The following MECR variants were observed in gnomAD, a reference collection of about 807,000 sequenced individuals.
The protein encoded by MECR is enoyl-[acyl-carrier-protein] reductase, mitochondrial.
MECR carries 37 observed loss-of-function variants against 49.1 expected under a neutral mutation model. The ratio of observed to expected loss-of-function variants is 0.75; its 90% CI spans 0.58 to 0.99. MECR has a LOEUF of 0.99. Ranked by LOEUF, MECR falls within the 50% of genes least tolerant of loss-of-function variation. The pLI is 0.00. For missense variants in MECR, 470 were observed against 479.6 expected, an observed-to-expected ratio of 0.98 and a Z score of 0.19; for synonymous variants, 198 against 191.1, an observed-to-expected ratio of 1.04 and a Z score of -0.30.
At chr1:29,215,151 C>T (rs537103206) in intron 3 of MECR, among the ~76,000 whole-genome samples, 78 of 152,304 alleles carry the variant, frequency 5.1e-4, no homozygotes, top group African/African-American at 1.8e-3. Context: ...CTTTCTCACT[C>T]GTGCAATCCT....
the MECR span, chr1:29,171,466 T>C: frequency 6.6e-6 from 1 of 150,590 alleles, no homozygotes; most frequent in South Asian, 2.1e-4. Flanking sequence ...ACTCATTTTG[T>C]AACCTTGGGC....
intron 1 of MECR, among the ~76,000 whole-genome samples, chr1:29,229,795 T>TG (rs1682996970): frequency 6.6e-6 from 1 of 152,224 alleles, no homozygotes; most frequent in Non-Finnish European, 1.5e-5. Context: ...CCCAGACCTG[T>TG]GCTTTTGCTT....
At chr1:29,220,286 A>G (rs938228877) in intron 1 of MECR, among the ~76,000 whole-genome samples, 5 of 151,594 alleles carry the variant, frequency 3.3e-5, no homozygotes, top group South Asian at 2.1e-4. Context: ...CTGTAGTTCC[A>G]GCTATCTGGG....
Position 29,201,221 on chromosome 1 carries a change from T to C in MECR, c.757-632A>G, listed in dbSNP as rs780172675. 1.8e-4 allele frequency among the ~76,000 whole-genome samples: 28 copies of C among 152,362 alleles called. No individual in the cohort carries two copies. The highest frequency in any genetic ancestry group is 3.8e-4 in the Non-Finnish European group (26 of 68,032). On this transcript the variant is annotated intron_variant, in intron 6 of 9. Coordinates refer to ENST00000263702, the MANE Select transcript of MECR (RefSeq NM_016011.5). The surrounding 1 kb of genome is among the most constrained non-coding windows in gnomAD (Gnocchi z 4.3). The stretch of plus-strand genomic sequence containing the variant: ...CAGTTTGGTGGGTTTCAGCTCCCTG[T>C]GTGCCCCCCTTTTCAGTTCTTTGAC...
chr1:29,172,785 G>C, the MECR span: 2 of 152,208 alleles, frequency 1.3e-5, no homozygotes, highest in East Asian at 3.9e-4. Context: ...TGTACTCAGG[G>C]ATAATAAAAA....
intron 1 of MECR, among the ~76,000 whole-genome samples, chr1:29,222,616 G>A (rs1040100459): frequency 3.3e-5 from 5 of 152,116 alleles, no homozygotes; most frequent in East Asian, 1.9e-4. Flanking sequence ...TTTGAGAAAC[G>A]ATGCTCTGGG....
chr1:29,216,741 C>G, intron 1 of MECR, 56 bp from the exon 2 acceptor site: 2 of 1,612,538 alleles, frequency 1.2e-6, no homozygotes, highest in Admixed American at 1.7e-5. Context: ...ATGGGTGTTT[C>G]GCTCAAATCA....
downstream of MECR, among the ~76,000 whole-genome samples, chr1:29,191,380 T>C (rs866669578): frequency 4.6e-5 from 7 of 152,130 alleles, no homozygotes; most frequent in Non-Finnish European, 1.0e-4. Context: ...CTCAGCTCAC[T>C]GCAACCTCCG....
Position 29,193,975 on chromosome 1 carries a change from C to T in MECR, c.*47G>A, listed in dbSNP as rs1261693450. On this transcript the variant is annotated 3_prime_UTR_variant, in exon 10 of 10. Coordinates refer to ENST00000263702, the MANE Select transcript of MECR (RefSeq NM_016011.5). ...CAACTGAGGGGCCTGCACCCAGCCCCTCAGATCCGCCTCCCCTCCCATGTC... is the reference window on the plus strand; with the variant it reads ...CAACTGAGGGGCCTGCACCCAGCCCTTCAGATCCGCCTCCCCTCCCATGTC... 4 of 1,610,962 alleles carry T rather than the reference C, an allele frequency of 2.5e-6. No homozygotes were observed. The highest frequency in any genetic ancestry group is 3.4e-6 in the Non-Finnish European group (4 of 1,178,944).
At chr1:29,177,156 T>C in the MECR span, among the ~76,000 whole-genome samples, 1 of 152,234 alleles carries the variant, frequency 6.6e-6, no homozygotes, top group South Asian at 2.1e-4. Context: ...ATAAAATCTA[T>C]ATACAATCAA....
Position 29,216,664 on chromosome 1 carries a change from A to AT in MECR, c.197_198insA (p.Ala67CysfsTer20). On this transcript the variant is annotated frameshift_variant, in exon 2 of 10. Transcript: ENST00000263702. LOFTEE classifies it high-confidence loss of function. ...CACGGACATCTGATCCTCTCACAGC[A>AT]GCTAGCTCCAGGTTCTTGAGTCTAA... 6.2e-7 allele frequency: 1 copy of AT among 1,614,220 alleles called. No individual in the cohort carries two copies. Among genetic ancestry groups the AT allele is most frequent in the Non-Finnish European group, 8.5e-7 (1 of 1,180,040 alleles).
the MECR span, among the ~76,000 whole-genome samples, chr1:29,178,567 AG>A: frequency 6.6e-6 from 1 of 151,782 alleles, no homozygotes; most frequent in Admixed American, 6.6e-5. Flanking sequence ...CATCTTAACC[AG>A]GATGGTCTCG....
intron 6 of MECR, 58 bp from the exon 7 acceptor site, chr1:29,200,647 A>T (rs1675098320): frequency 1.4e-6 from 2 of 1,467,112 alleles, no homozygotes; most frequent in Non-Finnish European, 1.9e-6. Context: ...TGGGGTCTGA[A>T]GCTTGCCCAA....
At chr1:29,184,999 G>A in the MECR span, among the ~76,000 whole-genome samples, 1 of 151,296 alleles carries the variant, frequency 6.6e-6, no homozygotes, top group African/African-American at 2.4e-5. Context: ...GGTGGCAGGC[G>A]CCTATAATCC....
chr1:29,226,125 C>A (rs1275354596), intron 1 of MECR, among the ~76,000 whole-genome samples: 1 of 134,762 alleles, frequency 7.4e-6, no homozygotes, highest in Non-Finnish European at 1.5e-5. Flanking sequence ...GCCGAGATTG[C>A]ACCACTGCAC....
chr1:29,200,994 C>T (rs966486190), intron 6 of MECR, among the ~76,000 whole-genome samples: 1 of 152,140 alleles, frequency 6.6e-6, no homozygotes, highest in Non-Finnish European at 1.5e-5. Context: ...AGAGGTCTCA[C>T]TATGTTGCTC....
Position 29,193,947 on chromosome 1 carries a change from C to T in MECR, c.*75G>A. ...AACAGTAGTCTGGGGAAGGTGGGAG[C>T]CCCAACTGAGGGGCCTGCACCCAGC... On this transcript the variant is annotated 3_prime_UTR_variant, in exon 10 of 10. Coordinates refer to ENST00000263702, the MANE Select transcript of MECR (RefSeq NM_016011.5). 5.1e-6 allele frequency: 8 copies of T among 1,556,994 alleles called. No homozygotes were observed. Among genetic ancestry groups the T allele is most frequent in the Non-Finnish European group, 7.0e-6 (8 of 1,141,906 alleles).
At chr1:29,212,957 T>C (rs1462041846) in intron 3 of MECR, among the ~76,000 whole-genome samples, 2 of 152,192 alleles carry the variant, frequency 1.3e-5, no homozygotes, top group African/African-American at 4.8e-5. Context: ...CGCTGCACTC[T>C]GTGCCTGGGA....
chr1:29,173,466 CTTTT>C, the MECR span: 14 of 73,094 alleles, frequency 1.9e-4, no homozygotes, highest in African/African-American at 5.2e-4. Flanking sequence ...TTTTTTTTTT[CTTTT>C]TTTTTTTTTT....
Sources: gnomAD v4.1 joint callset for allele counts (sites outside exome capture counted in the v4.1 genomes callset) on GRCh38, gnomAD v4.1.1 for gene constraint, Gnocchi (gnomAD v3.1) non-coding constraint, MANE v1.5 for transcripts, NCBI Gene and HGNC (gene_info 2026-07-23, HGNC 2026-07-21) for gene names.